MROH9: variants seen among roughly 807,000 people sequenced by gnomAD.
MROH9 encodes the protein maestro heat-like repeat-containing protein family member 9.
Under a neutral mutation model 98.2 loss-of-function variants are expected in MROH9, and 92 were observed. That is an observed-to-expected ratio of 0.94 (90% CI 0.79 to 1.11). MROH9 has a LOEUF of 1.11. Ranked by LOEUF, MROH9 falls within the 50% of genes most tolerant of loss-of-function variation. MROH9 has a pLI of 0.00. For synonymous variants in MROH9, 397 were observed against 368.9 expected (o/e 1.08, Z -0.87); for missense variants, 1,057 against 1,014.8 (o/e 1.04, Z -0.57).
chr1:170,958,429 CTT>C (rs374865486), intron 3 of MROH9, 30 bp from the exon 4 acceptor site: 26,860 of 962,338 alleles, frequency 0.028, no homozygotes, highest in Non-Finnish European at 0.029. Context: ...ATTAATTCTT[CTT>C]TTTTTTTTTT....
intron 15 of MROH9, among the ~76,000 whole-genome samples, chr1:171,007,531 A>C (rs1285902982): frequency 6.6e-6 from 1 of 152,200 alleles, no homozygotes; most frequent in Non-Finnish European, 1.5e-5. Context: ...CAGGATAGGC[A>C]TGTTCCTAAG....
intron 8 of MROH9, among the ~76,000 whole-genome samples, chr1:170,979,561 A>G (rs188430663): frequency 2.0e-5 from 3 of 152,288 alleles, no homozygotes; most frequent in Admixed American, 2.0e-4. Context: ...AAAATCTAAA[A>G]CTATAGAACT....
At chr1:171,030,361 C>G (rs1265751527) in intron 20 of MROH9, among the ~76,000 whole-genome samples, 1 of 152,036 alleles carries the variant, frequency 6.6e-6, no homozygotes. Context: ...GATGCTCTAG[C>G]TCTTTTAACT....
intron 1 of MROH9, among the ~76,000 whole-genome samples, chr1:170,944,069 T>C (rs2101868050): frequency 6.6e-6 from 1 of 152,160 alleles, no homozygotes; most frequent in East Asian, 1.9e-4. Context: ...TTGATTTCAT[T>C]TTTAAAGCCT....
At chr1:171,033,666 G>GTTTGT (rs1553221001) in intron 20 of MROH9, among the ~76,000 whole-genome samples, 2 of 152,114 alleles carry the variant, frequency 1.3e-5, no homozygotes, top group African/African-American at 4.8e-5. Flanking sequence ...TTGTTTGTTT[G>GTTTGT]TTTGTTTTGT....
At chr1:170,986,990 A>C (rs903183637) in intron 10 of MROH9, among the ~76,000 whole-genome samples, 8 of 152,046 alleles carry the variant, frequency 5.3e-5, no homozygotes, top group Admixed American at 3.9e-4. Context: ...AGCTGGGACT[A>C]CAGGCATGTA....
In MROH9 at chr1:171,016,217, G is replaced by A; in HGVS notation, c.1789G>A (p.Asp597Asn). The change falls in exon 17 of 22, where the codon GAC becomes AAC. Residue 597 changes from aspartate (D) to asparagine (N), a missense_variant. Asp to Asn is a conservative substitution (Grantham distance 23). Transcript: ENST00000367759. ...IAILDAFLSK[D>N]DNVVLQALLT... ...CATCCTGGATGCCTTCCTTTCCAAA[G>A]ACGATAATGTTGTACTTCAGGCCTT... 6.5e-7 allele frequency: 1 copy of A among 1,536,742 alleles called. No homozygotes were observed. The highest frequency in any genetic ancestry group is 2.5e-5 in the East Asian group (1 of 39,980).
chr1:170,996,595 C>T lies in MROH9; in HGVS notation c.1426C>T (p.Gln476Ter). Residue 476 changes from glutamine (Q) to a stop codon, truncating the protein, a stop_gained, in exon 14 of 22, where the codon CAG becomes TAG. Coordinates refer to ENST00000367759, the MANE Select transcript of MROH9 (RefSeq NM_001163629.2). LOFTEE classifies it high-confidence loss of function. ...TCTAATGAAGGAGAATTTCTGGGACCAGTTATCTGAAGATCTGTGTTACTA... is the reference window on the plus strand; with the variant it reads ...TCTAATGAAGGAGAATTTCTGGGACTAGTTATCTGAAGATCTGTGTTACTA... ...ITLMKENFWD[Q>*]LSEDLCYYHG... The T allele has an allele frequency of 6.2e-7, 1 of 1,613,548 alleles. No homozygotes were observed. Among genetic ancestry groups the T allele is most frequent in the Non-Finnish European group, 8.5e-7 (1 of 1,179,644 alleles).
chr1:170,991,592 A>T (rs1211828161), intron 11 of MROH9, among the ~76,000 whole-genome samples: 1 of 152,072 alleles, frequency 6.6e-6, no homozygotes, highest in Non-Finnish European at 1.5e-5. Flanking sequence ...AGTATATAGG[A>T]AAAGGAGCTA....
chr1:170,941,107 T>C (rs1649104049), intron 1 of MROH9, among the ~76,000 whole-genome samples: 1 of 152,194 alleles, frequency 6.6e-6, no homozygotes, highest in South Asian at 2.1e-4. Context: ...CCTAGTTCCC[T>C]ATTCTGACTG....
chr1:171,040,224 T>C (rs1653252314), intron 20 of MROH9, among the ~76,000 whole-genome samples: 1 of 152,246 alleles, frequency 6.6e-6, no homozygotes, highest in Non-Finnish European at 1.5e-5. Flanking sequence ...AATGGGAAGA[T>C]GTAAATCAAA....
rs558124178 is a variant in MROH9, at chr1:170,995,310, C to G, written c.1195-79C>G. 32 of 1,525,626 alleles carry G rather than the reference C, an allele frequency of 2.1e-5. No homozygotes were observed. The Middle Eastern group carries it at 5.2e-4, about 25-fold the overall frequency. 94.5% of individuals were successfully genotyped at this position (1,525,626 alleles called of 1,614,324 possible). The stretch of plus-strand genomic sequence containing the variant: ...CTGAAGGAGGGGTTGCAGAGTCACT[C>G]TCTTGCTCCCCTCAGTAAGGTTGAC... On this transcript the variant is annotated intron_variant, in intron 12 of 21. Transcript: ENST00000367759.
chr1:171,017,824 C>T (rs192217824), intron 17 of MROH9, among the ~76,000 whole-genome samples: 1 of 152,140 alleles, frequency 6.6e-6, no homozygotes, highest in African/African-American at 2.4e-5. Context: ...GGACCCATCC[C>T]TCCTCGCTGG....
chr1:171,016,890 G>A (rs1035750917), intron 17 of MROH9, among the ~76,000 whole-genome samples: 5 of 152,104 alleles, frequency 3.3e-5, no homozygotes, highest in Non-Finnish European at 5.9e-5. Context: ...TTTCAGAAAA[G>A]TTTAATGAAA....
intron 20 of MROH9, among the ~76,000 whole-genome samples, chr1:171,052,038 T>A (rs1289948757): frequency 6.6e-6 from 1 of 152,176 alleles, no homozygotes; most frequent in Non-Finnish European, 1.5e-5. Context: ...TTGGACCTTT[T>A]TTTTTTTATT....
At chr1:170,996,965 G>T (rs1245852045) in intron 14 of MROH9, among the ~76,000 whole-genome samples, 1 of 151,994 alleles carries the variant, frequency 6.6e-6, no homozygotes, top group Non-Finnish European at 1.5e-5. Context: ...GCTGATTCCT[G>T]CACAGCAGGC....
rs370759194 is a variant in MROH9 at position 170,998,219 on chromosome 1, T to C, written c.1541T>C (p.Val514Ala). The C allele has an allele frequency of 4.5e-5, 73 of 1,613,014 alleles. No homozygotes were observed. Among genetic ancestry groups the C allele is most frequent in the African/African-American group, 1.5e-4 (11 of 74,854 alleles). The change falls in exon 15 of 22, where the codon GTA (valine) becomes GCA (alanine). Residue 514 changes from valine (V) to alanine (A), a missense_variant. Coordinates refer to ENST00000367759, the MANE Select transcript of MROH9 (RefSeq NM_001163629.2). ...ETLSYLYKLS[V>A]EGPRRSEDTV... ...CTGAGTTATCTCTATAAGCTCTCAGTAGAAGGTCCTAGAAGGTCAGAAGAC... is the reference window on the plus strand; with the variant it reads ...CTGAGTTATCTCTATAAGCTCTCAGCAGAAGGTCCTAGAAGGTCAGAAGAC...
At chr1:170,990,725 A>G (rs1049172514) in intron 11 of MROH9, among the ~76,000 whole-genome samples, 1 of 152,146 alleles carries the variant, frequency 6.6e-6, no homozygotes, top group Non-Finnish European at 1.5e-5. Context: ...GTTTCCATCA[A>G]CTTTGACCCT....
chr1:171,025,407 G>C lies in MROH9; in HGVS notation c.2268G>C (p.Ser756=). The C allele has an allele frequency of 6.5e-7, 1 of 1,543,706 alleles. No homozygotes were observed. Residue 756 remains serine, a synonymous_variant, in exon 20 of 22, where the codon TCG becomes TCC. Coordinates refer to ENST00000367759, the MANE Select transcript of MROH9 (RefSeq NM_001163629.2). The stretch of plus-strand genomic sequence containing the variant: ...CCAGAACATATCTTAAGAGGGCATC[G>C]GTTATTTTGATAGGTAAATATAATT... ...WSPRTYLKRA[S]VILIGYLAKS... is the part of the protein sequence containing the mutation.
Sources: allele counts gnomAD v4.1 joint callset (sites outside exome capture counted in the v4.1 genomes callset), GRCh38; gene constraint gnomAD v4.1.1; transcripts MANE v1.5; gene names NCBI Gene and HGNC (gene_info 2026-07-23, HGNC 2026-07-21).